The following HTT variants were observed in gnomAD, a reference collection of about 807,000 sequenced individuals.
HTT encodes huntingtin.
In HTT, 104 loss-of-function variants were observed where a neutral mutation model predicts 362.3. The observed-to-expected ratio is 0.29, with a 90% confidence interval of 0.24 to 0.34. HTT has a LOEUF of 0.34. Ranked by LOEUF, HTT falls within the 10% of genes least tolerant of loss-of-function variation. The probability of loss-of-function intolerance (pLI) is 1.00; values close to 1 mark genes in which losing one functional copy is unlikely to be tolerated. For synonymous variants in HTT, 1,577 were observed against 1,548.7 expected (o/e 1.02, Z -0.43); for missense variants, 3,301 against 3,928.6 (o/e 0.84, Z 4.27).
chr4:3,102,891 A>G (rs1475124897), intron 3 of HTT, among the ~76,000 whole-genome samples: 1 of 152,138 alleles, frequency 6.6e-6, no homozygotes, highest in Non-Finnish European at 1.5e-5. Flanking sequence ...CTCACAAGTG[A>G]GCAAGGAGGG....
At chr4:3,199,590 A>AT (rs1396896926) in intron 40 of HTT, 142 bp from the exon 41 acceptor site, 1 of 677,430 alleles carries the variant, frequency 1.5e-6, no homozygotes, top group Non-Finnish European at 2.5e-6. Flanking sequence ...AAAAATCAGA[A>AT]TTTTCTAAAT....
chr4:3,236,147 A>T lies in HTT; in HGVS notation c.8786-2A>T, dbSNP rs1278332441. 6.2e-7 allele frequency: 1 copy of T among 1,611,490 alleles called. No individual in the cohort carries two copies. Among genetic ancestry groups the T allele is most frequent in the Admixed American group, 1.7e-5 (1 of 60,024 alleles). The stretch of plus-strand genomic sequence containing the variant: ...CCTTCGTACTGAACACTTTTGTTAC[A>T]GGAAAGGAGAAAGTCAGTCCGGGTA... On this transcript the variant is annotated splice_acceptor_variant, in intron 63 of 66. Transcript: ENST00000355072. LOFTEE classifies it high-confidence loss of function.
intron 40 of HTT, among the ~76,000 whole-genome samples, chr4:3,191,222 G>A (rs1273544351): frequency 2.7e-5 from 4 of 150,174 alleles, no homozygotes; most frequent in Non-Finnish European, 4.4e-5. Context: ...TGCCCATCCT[G>A]GAGTGCAATG....
At chr4:3,207,405 A>G in intron 45 of HTT, 48 bp downstream of exon 45, 2 of 1,409,122 alleles carry the variant, frequency 1.4e-6, no homozygotes, top group Non-Finnish European at 2.0e-6. Flanking sequence ...AACCCAGGAT[A>G]TAAAGGATAT....
chr4:3,216,999 T>C (rs1249207771), intron 51 of HTT, among the ~76,000 whole-genome samples: 1 of 149,198 alleles, frequency 6.7e-6, no homozygotes, highest in Non-Finnish European at 1.5e-5. Context: ...CACTCCAGCC[T>C]GGGCGACAGA....
At chr4:3,216,139 G>A (rs1287391031) in intron 51 of HTT, among the ~76,000 whole-genome samples, 1 of 152,194 alleles carries the variant, frequency 6.6e-6, no homozygotes, top group Non-Finnish European at 1.5e-5. Context: ...GGTTGTGGAT[G>A]GAGTTTTCCT....
In HTT at chr4:3,131,649, G is replaced by A. The variant is rs1295015989; in HGVS notation, c.2110G>A (p.Asp704Asn). ...LTGGKNVLVP[D>N]RDVRVSVKAL... is the part of the protein sequence containing the mutation. ...TGATTTCTTGGCAGTGCTGGTTCCG[G>A]ACAGGGATGTGAGGGTCAGCGTGAA... Residue 704 changes from aspartate (D) to asparagine (N), a missense_variant, in exon 16 of 67, where the codon GAC becomes AAC. Asp to Asn is a conservative substitution (Grantham distance 23). Transcript: ENST00000355072. 6.2e-7 allele frequency: 1 copy of A among 1,613,542 alleles called. No individual in the cohort carries two copies.
At chr4:3,081,831 A>G (rs1396503548) in intron 1 of HTT, among the ~76,000 whole-genome samples, 2 of 151,118 alleles carry the variant, frequency 1.3e-5, no homozygotes, top group Admixed American at 6.6e-5. Context: ...TGCTGGGATT[A>G]CAGGGTGTGA....
chr4:3,107,469 G>A (rs776186235), intron 6 of HTT, 46 bp downstream of exon 6: 2 of 1,604,958 alleles, frequency 1.2e-6, no homozygotes. Context: ...GATGCTGTGA[G>A]TGAGTCTGTG....
chr4:3,094,402 C>T (rs1052406886), intron 2 of HTT, among the ~76,000 whole-genome samples: 3 of 152,194 alleles, frequency 2.0e-5, no homozygotes, highest in African/African-American at 7.2e-5. Flanking sequence ...CCACCGTCAT[C>T]ATGGACTGTT....
chr4:3,135,769 CT>C, intron 19 of HTT, 134 bp from the exon 20 acceptor site: 2 of 528,580 alleles, frequency 3.8e-6, no homozygotes, highest in Non-Finnish European at 6.7e-6. Context: ...AGCCATTGGC[CT>C]TTTTTGTTGT....
At chr4:3,188,804 G>C in intron 39 of HTT, 147 bp from the exon 40 acceptor site, 1 of 709,368 alleles carries the variant, frequency 1.4e-6, no homozygotes, top group Non-Finnish European at 2.3e-6. Context: ...TGTCCACGGC[G>C]ACGGCGCTCT....
intron 40 of HTT, among the ~76,000 whole-genome samples, chr4:3,194,082 G>A (rs1719139343): frequency 1.3e-5 from 2 of 152,170 alleles, no homozygotes; most frequent in South Asian, 4.1e-4. Context: ...ATATAAGTAA[G>A]GTGTGTTTAG....
At chr4:3,134,831 G>A (rs1402245344) in intron 19 of HTT, among the ~76,000 whole-genome samples, 2 of 152,192 alleles carry the variant, frequency 1.3e-5, no homozygotes, top group Non-Finnish European at 2.9e-5. Flanking sequence ...TAGGACTCAA[G>A]TGGTCCTCCT....
At chr4:3,229,228 C>A (rs1721085728) in intron 59 of HTT, among the ~76,000 whole-genome samples, 1 of 148,354 alleles carries the variant, frequency 6.7e-6, no homozygotes. Context: ...ACACACAGCA[C>A]ACATGCCACA....
At chr4:3,161,494 C>A (rs1717443429) in intron 29 of HTT, among the ~76,000 whole-genome samples, 1 of 152,196 alleles carries the variant, frequency 6.6e-6, no homozygotes, top group African/African-American at 2.4e-5. Flanking sequence ...GAGGAATCGC[C>A]AGACTGTCTT....
intron 60 of HTT, among the ~76,000 whole-genome samples, chr4:3,231,195 A>G (rs1410993490): frequency 1.3e-5 from 2 of 152,240 alleles, no homozygotes; most frequent in East Asian, 3.8e-4. Context: ...TTCTTCAACA[A>G]ACACCTGAGT....
At position 3,229,906 on chromosome 4, in the gene HTT, T is replaced by C. The variant is rs893167098; in HGVS notation, c.8129T>C (p.Leu2710Ser). Residue 2710 changes from leucine (L) to serine (S), a missense_variant, in exon 60 of 67, where the codon TTG becomes TCG. Physicochemically the swap from Leu to Ser is moderately radical, Grantham distance 145. Coordinates refer to ENST00000355072, the MANE Select transcript of HTT (RefSeq NM_001388492.1). ...VVRSLLVVSD[L>S]FTERNQFELM... is the part of the protein sequence containing the mutation. ...CTCCAGCTTCTAGTGGTCTCAGACTTGTTCACCGAGCGCAACCAGTTTGAG... is the reference window on the plus strand; with the variant it reads ...CTCCAGCTTCTAGTGGTCTCAGACTCGTTCACCGAGCGCAACCAGTTTGAG... 5 of 1,614,082 alleles carry C rather than the reference T, an allele frequency of 3.1e-6. No individual in the cohort carries two copies. Among genetic ancestry groups the C allele is most frequent in the Non-Finnish European group, 4.2e-6 (5 of 1,180,032 alleles).
intron 53 of HTT, 42 bp downstream of exon 53, chr4:3,220,350 T>C: frequency 2.5e-6 from 4 of 1,594,538 alleles, no homozygotes; most frequent in Non-Finnish European, 2.6e-6. Context: ...TTGTCGGACA[T>C]CTACCGGGAG....
Sources: allele counts gnomAD v4.1 joint callset (sites outside exome capture counted in the v4.1 genomes callset), GRCh38; gene constraint gnomAD v4.1.1; transcripts MANE v1.5; gene names NCBI Gene and HGNC (gene_info 2026-07-23, HGNC 2026-07-21).